Variants in KLF8 observed in about 807,000 individuals in gnomAD.
The protein encoded by KLF8 is KLF transcription factor 8, also known as Krueppel-like factor 8.
A neutral mutation model predicts 18.2 loss-of-function variants in KLF8; 10 were observed. The observed-to-expected ratio is 0.55, with a 90% CI of 0.34 to 0.93. The LOEUF (loss-of-function observed/expected upper bound fraction) is 0.93, where lower values mean the gene tolerates loss of function less well. Among genes scored for constraint, KLF8 ranks in the 40% least tolerant of loss-of-function variants. The pLI is 0.02. For missense variants in KLF8, 264 were observed against 277.9 expected, an observed-to-expected ratio of 0.95 and a Z score of 0.36; for synonymous variants, 109 against 97.3, an observed-to-expected ratio of 1.12 and a Z score of -0.71.
rs747141229 is a variant in KLF8 at position 56,288,392 on chromosome X, G to A, written c.*3898G>A. On this transcript the variant is annotated 3_prime_UTR_variant, in exon 6 of 6. Transcript: ENST00000468660. ...CTTTTGAGAGAGATTTTCCTCAACT[G>A]GGATTTGTCAGTTGTCTTTCTCATG... Among the ~76,000 whole-genome samples, 47 of 111,465 alleles carry A rather than the reference G, an allele frequency of 4.2e-4. No individual in the cohort carries two copies. Among genetic ancestry groups the A allele is most frequent in the Non-Finnish European group, 6.6e-4 (35 of 53,082 alleles).
At chrX:55,909,368 A>C in the KLF8 span, among the ~76,000 whole-genome samples, 1 of 112,436 alleles carries the variant, frequency 8.9e-6, no homozygotes, top group Non-Finnish European at 1.9e-5. Flanking sequence ...CAGCCAGTTG[A>C]CTGCTGTTTT....
chrX:56,126,916 C>T, the KLF8 span, among the ~76,000 whole-genome samples: 2 of 108,955 alleles, frequency 1.8e-5, no homozygotes, highest in Non-Finnish European at 3.8e-5. Flanking sequence ...CCACGCCTGG[C>T]TAATTTTTGT....
chrX:56,066,795 A>G, the KLF8 span, among the ~76,000 whole-genome samples: 9,971 of 110,361 alleles, frequency 0.09, 1,122 homozygotes, highest in African/African-American at 0.32. Flanking sequence ...GTGCCTTGTA[A>G]CTGCCTAGGA....
the KLF8 span, among the ~76,000 whole-genome samples, chrX:55,975,835 C>T: frequency 3.6e-5 from 4 of 111,717 alleles, no homozygotes; most frequent in East Asian, 5.6e-4. Context: ...CATGGCCAGG[C>T]GCGGTGGCTT....
chrX:56,189,926 C>T, the KLF8 span, among the ~76,000 whole-genome samples: 19 of 103,830 alleles, frequency 1.8e-4, no homozygotes, highest in Admixed American at 1.7e-3. Context: ...TGCTAAATGA[C>T]GAGTTAATGG....
chrX:56,093,015 GAA>G, the KLF8 span, among the ~76,000 whole-genome samples: 11 of 87,317 alleles, frequency 1.3e-4, no homozygotes, highest in African/African-American at 3.8e-4. Flanking sequence ...GAAAATGAAT[GAA>G]AAAAAAAAAA....
At chrX:55,933,662 A>G in the KLF8 span, among the ~76,000 whole-genome samples, 1 of 111,880 alleles carries the variant, frequency 8.9e-6, no homozygotes, top group African/African-American at 3.2e-5. Context: ...TATACAGTAC[A>G]GTTTTCTGTC....
the KLF8 span, among the ~76,000 whole-genome samples, chrX:56,187,611 G>T: frequency 1.1e-3 from 120 of 111,713 alleles, no homozygotes; most frequent in Non-Finnish European, 1.9e-4. Flanking sequence ...GAACATCGAT[G>T]CAAACTTCCT....
At chrX:56,058,287 T>TACATAC in the KLF8 span, among the ~76,000 whole-genome samples, 23 of 40,520 alleles carry the variant, frequency 5.7e-4, no homozygotes, top group African/African-American at 1.4e-3. Context: ...TACATATATA[T>TACATAC]ATATATATAT....
At chrX:56,200,144 A>C in the KLF8 span, among the ~76,000 whole-genome samples, 1 of 110,801 alleles carries the variant, frequency 9.0e-6, no homozygotes, top group African/African-American at 3.3e-5. Context: ...TGATGTGTTG[A>C]TGGGTGCAGC....
At chrX:56,182,422 C>G in the KLF8 span, among the ~76,000 whole-genome samples, 1 of 111,902 alleles carries the variant, frequency 8.9e-6, no homozygotes, top group Non-Finnish European at 1.9e-5. Flanking sequence ...TCCTTTAGCT[C>G]AGAGGAGTTT....
intron 3 of KLF8, chrX:56,266,637 AC>A (rs1447135584): frequency 1.6e-5 from 12 of 749,818 alleles, no homozygotes; most frequent in Non-Finnish European, 1.9e-5. Flanking sequence ...CTATCCCCCA[AC>A]CACTAGTTTT....
the KLF8 span, among the ~76,000 whole-genome samples, chrX:56,199,382 A>G: frequency 1.8e-5 from 2 of 112,025 alleles, no homozygotes; most frequent in East Asian, 5.5e-4. Flanking sequence ...GAACTCTAAC[A>G]AATTTACAAG....
chrX:55,982,507 A>G, the KLF8 span, among the ~76,000 whole-genome samples: 2 of 111,975 alleles, frequency 1.8e-5, no homozygotes. Flanking sequence ...TTCTGCCTCT[A>G]ACCTGATTTC....
the KLF8 span, among the ~76,000 whole-genome samples, chrX:56,059,892 A>C: frequency 0.028 from 3,158 of 111,981 alleles, 128 homozygotes; most frequent in African/African-American, 0.097. Context: ...CTGTGAAAAA[A>C]GGCAATGGTA....
At chrX:56,201,215 C>G in the KLF8 span, among the ~76,000 whole-genome samples, 483 of 111,858 alleles carry the variant, frequency 4.3e-3, 3 homozygotes, top group African/African-American at 0.014. Context: ...ACCTAAATGT[C>G]CATTGGCACA....
the KLF8 span, among the ~76,000 whole-genome samples, chrX:56,029,107 A>G: frequency 1.8e-5 from 2 of 110,955 alleles, no homozygotes; most frequent in Admixed American, 9.6e-5. Flanking sequence ...CTTAACTTCT[A>G]TGAGTACAGG....
the KLF8 span, among the ~76,000 whole-genome samples, chrX:56,111,959 T>A: frequency 8.9e-6 from 1 of 111,789 alleles, no homozygotes; most frequent in Admixed American, 9.5e-5. Context: ...AAATACAATT[T>A]GACCCAGCAA....
At chrX:56,027,976 G>T in the KLF8 span, among the ~76,000 whole-genome samples, 1 of 112,449 alleles carries the variant, frequency 8.9e-6, no homozygotes, top group African/African-American at 3.2e-5. Flanking sequence ...CCAAGGGTTA[G>T]CTTATCTGCT....
Sources: allele counts gnomAD v4.1 joint callset (sites outside exome capture counted in the v4.1 genomes callset), GRCh38; gene constraint gnomAD v4.1.1; transcripts MANE v1.5; gene names NCBI Gene and HGNC (gene_info 2026-07-23, HGNC 2026-07-21).